XPNPEP3: variants seen among roughly 807,000 people sequenced by gnomAD.
XPNPEP3 encodes X-prolyl aminopeptidase 3, also known as xaa-Pro aminopeptidase 3.
A neutral mutation model predicts 60.0 loss-of-function variants in XPNPEP3; 41 were observed. The ratio of observed to expected loss-of-function variants is 0.68; its 90% CI spans 0.53 to 0.89. The LOEUF is 0.89. Among genes scored for constraint, XPNPEP3 ranks in the 40% least tolerant of loss-of-function variants. XPNPEP3 has a pLI of 0.00. For missense variants in XPNPEP3, 598 were observed against 638.9 expected, an observed-to-expected ratio of 0.94 and a Z score of 0.69; for synonymous variants, 212 against 223.2, an observed-to-expected ratio of 0.95 and a Z score of 0.45.
At chr22:40,868,942 A>G in intron 1 of XPNPEP3, 57 bp from the exon 2 acceptor site, 1 of 1,382,316 alleles carries the variant, frequency 7.2e-7, no homozygotes, top group Non-Finnish European at 1.0e-6. Flanking sequence ...GTGTATTTAT[A>G]CCATGAAGAC....
At chr22:40,861,222 G>A in intron 1 of XPNPEP3, 1 of 1,614,058 alleles carries the variant, frequency 6.2e-7, no homozygotes, top group Non-Finnish European at 8.5e-7. Context: ...AGTATATTGA[G>A]ATACATGTTT....
Position 40,926,628 on chromosome 22 carries a change from A to G in XPNPEP3, c.*193A>G, listed in dbSNP as rs2058235639. 1 of 657,396 alleles carries G rather than the reference A, an allele frequency of 1.5e-6. No homozygotes were observed. The highest frequency in any genetic ancestry group is 1.8e-5 in the South Asian group (1 of 56,692). 40.7% of individuals were successfully genotyped at this position (657,396 alleles called of 1,614,324 possible). The stretch of plus-strand genomic sequence containing the variant: ...AAGTAGTTAGAAGTCTGGGAAAATG[A>G]ATTTTTGAATAGTATGTTACTGCAG... On this transcript the variant is annotated 3_prime_UTR_variant, in exon 10 of 10. Coordinates refer to ENST00000357137, the MANE Select transcript of XPNPEP3 (RefSeq NM_022098.4).
chr22:40,875,206 T>TG (rs1056171959), intron 2 of XPNPEP3, among the ~76,000 whole-genome samples: 30 of 152,256 alleles, frequency 2.0e-4, no homozygotes, highest in African/African-American at 7.2e-4. Context: ...GATGGGGTCT[T>TG]GCTCTGTCTC....
chr22:40,861,866 CTCTGCTTCTTCTTTATTTTCTG>C lies in XPNPEP3; in HGVS notation c.64+4622_64+4643del, dbSNP rs2057950878. On this transcript the variant is annotated intron_variant, in intron 1 of 9. Transcript: ENST00000357137. ...CCTCAGCTACTTCTTTGAATTTTCT[CTCTGCTTCTTCTTTATTTTCTG>C]GATTTTTATCAGGGTGCCATTTAAG... The C allele has an allele frequency of 1.9e-6, 3 of 1,613,858 alleles. No homozygotes were observed. In the Admixed American group the frequency reaches 5.0e-5, roughly 27 times the overall value.
chr22:40,901,782 T>G (rs553082716), intron 4 of XPNPEP3, among the ~76,000 whole-genome samples: 5 of 152,122 alleles, frequency 3.3e-5, no homozygotes, highest in Non-Finnish European at 7.4e-5. Context: ...TCCATTTATA[T>G]GAAATATGCG....
intron 4 of XPNPEP3, among the ~76,000 whole-genome samples, chr22:40,895,337 C>A (rs934161933): frequency 6.6e-6 from 1 of 150,804 alleles, no homozygotes. Context: ...TAGTGCTTTT[C>A]TTTTCTTTTT....
At chr22:40,860,656 C>CA in intron 1 of XPNPEP3, 35 of 1,131,152 alleles carry the variant, frequency 3.1e-5, no homozygotes, top group Non-Finnish European at 4.0e-5. Flanking sequence ...TTCCAAATTC[C>CA]TTTTTTTTTT....
At chr22:40,924,506 A>G (rs1441860887) in intron 9 of XPNPEP3, 24 bp downstream of exon 9, 1 of 1,613,692 alleles carries the variant, frequency 6.2e-7, no homozygotes, top group Non-Finnish European at 8.5e-7. Flanking sequence ...TTACAATAGT[A>G]GTATGAGGTA....
chr22:40,874,474 G>A (rs555985983), intron 2 of XPNPEP3, among the ~76,000 whole-genome samples: 3 of 152,048 alleles, frequency 2.0e-5, no homozygotes, highest in Non-Finnish European at 4.4e-5. Flanking sequence ...TTCCAAGGTT[G>A]GAGTACAGTG....
intron 4 of XPNPEP3, among the ~76,000 whole-genome samples, chr22:40,886,826 C>CAAA (rs1244520436): frequency 1.6e-5 from 1 of 61,942 alleles, no homozygotes; most frequent in Non-Finnish European, 3.7e-5. Context: ...GACTCCATCT[C>CAAA]AAAAAAAAAA....
chr22:40,883,632 G>T (rs2058057210), intron 3 of XPNPEP3, among the ~76,000 whole-genome samples: 1 of 152,154 alleles, frequency 6.6e-6, no homozygotes, highest in Admixed American at 6.6e-5. Context: ...GAAGTGCTGG[G>T]ATTACAGGTG....
At chr22:40,858,959 G>T (rs1311959664) in intron 1 of XPNPEP3, among the ~76,000 whole-genome samples, 1 of 151,956 alleles carries the variant, frequency 6.6e-6, no homozygotes, top group African/African-American at 2.4e-5. Context: ...TCTTTTTTTG[G>T]AGATGGGGTC....
At chr22:40,871,150 G>A (rs1049637560) in intron 2 of XPNPEP3, among the ~76,000 whole-genome samples, 4 of 152,180 alleles carry the variant, frequency 2.6e-5, no homozygotes, top group Admixed American at 6.5e-5. Flanking sequence ...ATCACTTGAG[G>A]TTAGGAGTTC....
intron 7 of XPNPEP3, among the ~76,000 whole-genome samples, chr22:40,919,860 G>A (rs1000397670): frequency 7.2e-5 from 11 of 152,082 alleles, no homozygotes; most frequent in African/African-American, 2.2e-4. Context: ...ATTACTGATC[G>A]AATGTTTTTT....
intron 1 of XPNPEP3, among the ~76,000 whole-genome samples, chr22:40,857,684 C>T (rs764583679): frequency 3.9e-5 from 6 of 152,232 alleles, no homozygotes; most frequent in Non-Finnish European, 8.8e-5. Flanking sequence ...CGAAATACTT[C>T]TGGGGCGTTC....
At chr22:40,911,095 A>G (rs898026837) in intron 6 of XPNPEP3, among the ~76,000 whole-genome samples, 3 of 152,120 alleles carry the variant, frequency 2.0e-5, no homozygotes, top group Admixed American at 6.6e-5. Flanking sequence ...GCAGTGTGCA[A>G]TTCTGTCAGC....
intron 2 of XPNPEP3, chr22:40,869,996 T>C (rs757783093): frequency 1.4e-4 from 65 of 469,466 alleles, no homozygotes; most frequent in Non-Finnish European, 2.6e-4. Context: ...ACTCAGTGAA[T>C]GATACCAGTA....
intron 1 of XPNPEP3, among the ~76,000 whole-genome samples, chr22:40,866,483 TTAGAC>T (rs1298761533): frequency 1.3e-5 from 2 of 152,048 alleles, no homozygotes; most frequent in African/African-American, 2.4e-5. Context: ...AGTGTCCACT[TTAGAC>T]TAAGAGAACT....
intron 6 of XPNPEP3, among the ~76,000 whole-genome samples, chr22:40,912,290 C>T (rs2058179885): frequency 6.6e-6 from 1 of 152,004 alleles, no homozygotes; most frequent in Non-Finnish European, 1.5e-5. Flanking sequence ...TAAGGGACAC[C>T]TAATAATGGA....
Sources: gnomAD v4.1 joint callset for allele counts (sites outside exome capture counted in the v4.1 genomes callset) on GRCh38, gnomAD v4.1.1 for gene constraint, MANE v1.5 for transcripts, NCBI Gene and HGNC (gene_info 2026-07-23, HGNC 2026-07-21) for gene names.